Variants in ITSN1 observed in about 807,000 individuals in gnomAD.
ITSN1 encodes the protein intersectin-1.
ITSN1 carries 58 observed loss-of-function variants against 239.8 expected under a neutral mutation model. That is an observed-to-expected ratio of 0.24 (90% CI 0.20 to 0.30). The LOEUF (loss-of-function observed/expected upper bound fraction) is 0.30, where lower values mean the gene tolerates loss of function less well. Ranked by LOEUF, ITSN1 falls within the 10% of genes least tolerant of loss-of-function variation. The pLI, the probability that ITSN1 is intolerant of heterozygous loss-of-function variation, is 1.00. For missense variants in ITSN1, 1,558 were observed against 2,103.3 expected (o/e 0.74, Z 5.07); for synonymous variants, 780 against 770.8 (o/e 1.01, Z -0.20).
chr21:33,714,397 A>G (rs557512579), intron 1 of ITSN1, among the ~76,000 whole-genome samples: 2 of 152,316 alleles, frequency 1.3e-5, no homozygotes, highest in East Asian at 3.9e-4. Flanking sequence ...ATGTAGTCTA[A>G]TATTAGTCAT....
intron 1 of ITSN1, among the ~76,000 whole-genome samples, chr21:33,649,245 G>A (rs1265305980): frequency 1.3e-5 from 2 of 152,180 alleles, no homozygotes; most frequent in Non-Finnish European, 2.9e-5. Flanking sequence ...GTGGCCTAAG[G>A]AAGTTTGCTT....
chr21:33,816,615 C>T (rs1049717428), intron 22 of ITSN1, among the ~76,000 whole-genome samples: 1 of 152,122 alleles, frequency 6.6e-6, no homozygotes, highest in Non-Finnish European at 1.5e-5. Context: ...AAAGCAGACA[C>T]GGGGAAGATT....
At chr21:33,854,061 C>CA (rs1415346952) in intron 29 of ITSN1, among the ~76,000 whole-genome samples, 1 of 152,140 alleles carries the variant, frequency 6.6e-6, no homozygotes, top group East Asian at 1.9e-4. Flanking sequence ...AATATTTGCC[C>CA]AGTGAATGAA....
intron 1 of ITSN1, among the ~76,000 whole-genome samples, chr21:33,702,947 G>A (rs114485658): frequency 0.038 from 5,840 of 151,974 alleles, 376 homozygotes; most frequent in African/African-American, 0.13. Flanking sequence ...CATGATGGCC[G>A]GTGCCTGTAA....
chr21:33,836,598 G>A lies in ITSN1; in HGVS notation c.3627G>A (p.Val1209=). 1 of 1,614,138 alleles carries A rather than the reference G, an allele frequency of 6.2e-7. No homozygotes were observed. Among genetic ancestry groups the A allele is most frequent in the East Asian group, 2.2e-5 (1 of 44,874 alleles). The part of the protein sequence containing the change: ...GQVGLFPSNY[V]KLTTDMDPSQ... ...TGGGGCTCTTCCCATCCAATTATGT[G>A]AAGCTGACCACAGACATGGACCCAA... is the stretch of plus-strand genomic sequence containing the variant. Residue 1209 remains valine (V), a synonymous_variant, in exon 29 of 40, where the codon GTG becomes GTA. Coordinates refer to ENST00000381318, the MANE Select transcript of ITSN1 (RefSeq NM_003024.3).
chr21:33,694,036 CAG>C (rs2091680433), intron 1 of ITSN1, among the ~76,000 whole-genome samples: 1 of 151,992 alleles, frequency 6.6e-6, no homozygotes, highest in South Asian at 2.1e-4. Context: ...TTTTTGGAGA[CAG>C]AGTCTTGCTC....
Position 33,790,003 on chromosome 21 carries a change from G to A in ITSN1, c.1825-4338G>A, listed in dbSNP as rs7282690. On this transcript the variant is annotated intron_variant, in intron 16 of 39. Coordinates refer to ENST00000381318, the MANE Select transcript of ITSN1 (RefSeq NM_003024.3). ...GTCTAGGGAAGAAAATTAAAAGCAA[G>A]TTGATTTTCGTTTATCTTAACTAAT... 9.8e-3 allele frequency among the ~76,000 whole-genome samples: 1,491 copies of A among 152,258 alleles called. 21 individuals carry two copies. The highest frequency in any genetic ancestry group is 0.034 in the African/African-American group (1,422 of 41,552).
chr21:33,660,008 C>G (rs1397462313), intron 1 of ITSN1, among the ~76,000 whole-genome samples: 1 of 152,150 alleles, frequency 6.6e-6, no homozygotes, highest in African/African-American at 2.4e-5. Flanking sequence ...TGCACCCAGC[C>G]TGGATTCTAT....
intron 25 of ITSN1, among the ~76,000 whole-genome samples, chr21:33,826,258 C>T (rs1298072342): frequency 6.6e-6 from 1 of 152,166 alleles, no homozygotes; most frequent in Non-Finnish European, 1.5e-5. Flanking sequence ...CACAGGACAG[C>T]CACTGCCTCT....
intron 5 of ITSN1, among the ~76,000 whole-genome samples, chr21:33,748,405 C>A (rs1000255717): frequency 2.6e-5 from 4 of 152,064 alleles, no homozygotes; most frequent in Admixed American, 1.3e-4. Flanking sequence ...GCTGTGATCA[C>A]GTGACTGTAC....
intron 1 of ITSN1, among the ~76,000 whole-genome samples, chr21:33,672,518 A>G (rs1424341407): frequency 2.0e-5 from 3 of 152,216 alleles, no homozygotes; most frequent in Non-Finnish European, 4.4e-5. Flanking sequence ...ACGCTTGTAC[A>G]CTGTTGGTGG....
intron 8 of ITSN1, among the ~76,000 whole-genome samples, chr21:33,759,853 A>G (rs922419860): frequency 6.6e-6 from 1 of 152,206 alleles, no homozygotes; most frequent in Non-Finnish European, 1.5e-5. Context: ...TAATCCCAGC[A>G]CTTTGGGAGG....
intron 9 of ITSN1, among the ~76,000 whole-genome samples, chr21:33,765,334 A>G (rs2068642219): frequency 6.6e-6 from 1 of 152,172 alleles, no homozygotes; most frequent in South Asian, 2.1e-4. Context: ...CCATCTCTAC[A>G]AAATATTTTA....
chr21:33,813,555 G>A (rs2073059294), intron 21 of ITSN1, among the ~76,000 whole-genome samples: 1 of 152,000 alleles, frequency 6.6e-6, no homozygotes, highest in African/African-American at 2.4e-5. Flanking sequence ...GTTTCACCAT[G>A]TTGGTCAGAC....
At chr21:33,733,144 C>T (rs549594983) in intron 4 of ITSN1, among the ~76,000 whole-genome samples, 6 of 152,140 alleles carry the variant, frequency 3.9e-5, no homozygotes, top group South Asian at 2.1e-4. Flanking sequence ...CAGACCTTCC[C>T]GGATCACAAT....
chr21:33,680,358 G>T (rs1292241653), intron 1 of ITSN1, among the ~76,000 whole-genome samples: 1 of 147,654 alleles, frequency 6.8e-6, no homozygotes, highest in African/African-American at 2.6e-5. Flanking sequence ...TTGAGACAGG[G>T]TCTCTGTCTG....
At chr21:33,685,776 G>A (rs969419987) in intron 1 of ITSN1, among the ~76,000 whole-genome samples, 1 of 152,080 alleles carries the variant, frequency 6.6e-6, no homozygotes, top group East Asian at 1.9e-4. Flanking sequence ...TTTGTCCTTT[G>A]AGGGAGGCAT....
At chr21:33,663,460 G>A (rs1022251473) in intron 1 of ITSN1, among the ~76,000 whole-genome samples, 3 of 152,190 alleles carry the variant, frequency 2.0e-5, no homozygotes, top group Non-Finnish European at 4.4e-5. Flanking sequence ...GATGCTCTTC[G>A]TAATAGACCA....
rs886444970 is a variant in ITSN1, at chr21:33,813,771, T to C, written c.2568-142T>C. 9 of 595,842 alleles carry C rather than the reference T, an allele frequency of 1.5e-5. No individual in the cohort carries two copies. The East Asian group carries it at 2.4e-4, about 16-fold the overall frequency. 36.9% of individuals were successfully genotyped at this position (595,842 alleles called of 1,614,324 possible). A position where few individuals can be genotyped will look rare whatever the true frequency, so the allele number is the denominator to read the frequency against. On this transcript the variant is annotated intron_variant, in intron 21 of 39. Transcript: ENST00000381318. ...TTTTCCTCTTTTATTTATTTATTTA[T>C]TTTTTTGGTACTTTACTGTGGGTAA...
Sources: gnomAD v4.1 joint callset for allele counts (sites outside exome capture counted in the v4.1 genomes callset) on GRCh38, gnomAD v4.1.1 for gene constraint, MANE v1.5 for transcripts, NCBI Gene and HGNC (gene_info 2026-07-23, HGNC 2026-07-21) for gene names.